Variants in SH3GL2 observed in about 807,000 individuals in gnomAD.
SH3GL2 encodes the protein endophilin-A1.
SH3GL2 carries 24 observed loss-of-function variants against 46.0 expected under a neutral mutation model. The observed-to-expected ratio is 0.52, with a 90% CI of 0.38 to 0.73. The LOEUF is 0.73. SH3GL2 is among the 30% of genes least tolerant of loss of function. The pLI is 0.00. For synonymous variants in SH3GL2, 196 were observed against 147.1 expected (o/e 1.33, Z -2.40); for missense variants, 413 against 424.2 (o/e 0.97, Z 0.23).
chr9:17,655,570 C>T (rs1820054318), intron 1 of SH3GL2, among the ~76,000 whole-genome samples: 1 of 152,168 alleles, frequency 6.6e-6, no homozygotes. Context: ...TGTTACATTG[C>T]ATCTTATCAA....
chr9:17,610,170 C>G (rs1818834411), intron 1 of SH3GL2, among the ~76,000 whole-genome samples: 1 of 152,194 alleles, frequency 6.6e-6, no homozygotes, highest in Non-Finnish European at 1.5e-5. Context: ...TTAGCTTCCT[C>G]AGGGTATTGC....
At position 17,763,750 on chromosome 9, in the gene SH3GL2, G is replaced by C. The variant is rs751123636; in HGVS notation, c.187+2241G>C. Among the ~76,000 whole-genome samples the C allele has an allele frequency of 2.0e-5, 3 of 152,214 alleles. 1 individual carries two copies. The highest frequency in any genetic ancestry group is 1.5e-5 in the Non-Finnish European group (1 of 68,018). On this transcript the variant is annotated intron_variant, in intron 3 of 8. Transcript: ENST00000380607. ...CCTCATTTTATTCAGGAAAAAACAA[G>C]GGTCAGAGAATTTAAGGAACTTTCC...
chr9:17,787,588 C>G (rs1823997789), intron 5 of SH3GL2, 75 bp downstream of exon 5: 1 of 1,277,176 alleles, frequency 7.8e-7, no homozygotes, highest in African/African-American at 1.5e-5. Context: ...CTTTAGAAAA[C>G]ATTTTTTTAG....
At chr9:17,719,984 T>C (rs1821854169) in intron 1 of SH3GL2, among the ~76,000 whole-genome samples, 1 of 151,934 alleles carries the variant, frequency 6.6e-6, no homozygotes, top group Non-Finnish European at 1.5e-5. Context: ...AAAAACCTCC[T>C]CTTTATTTTT....
chr9:17,600,224 A>T (rs1818644199), intron 1 of SH3GL2, among the ~76,000 whole-genome samples: 2 of 152,200 alleles, frequency 1.3e-5, no homozygotes, highest in Admixed American at 1.3e-4. Flanking sequence ...GATGAACTGG[A>T]TTAATGTTTG....
At chr9:17,676,990 A>G (rs1328390786) in intron 1 of SH3GL2, among the ~76,000 whole-genome samples, 2 of 152,150 alleles carry the variant, frequency 1.3e-5, no homozygotes, top group Non-Finnish European at 2.9e-5. Flanking sequence ...GACTAAGAGA[A>G]GACACTGCAG....
At chr9:17,764,052 C>G (rs1225003485) in intron 3 of SH3GL2, among the ~76,000 whole-genome samples, 2 of 152,234 alleles carry the variant, frequency 1.3e-5, no homozygotes, top group Non-Finnish European at 2.9e-5. Context: ...TACAATATTG[C>G]ATGTGCTAAT....
At chr9:17,681,902 T>G (rs1820778901) in intron 1 of SH3GL2, among the ~76,000 whole-genome samples, 1 of 152,034 alleles carries the variant, frequency 6.6e-6, no homozygotes, top group Non-Finnish European at 1.5e-5. Flanking sequence ...GAACAGACAC[T>G]TCTCAAAAGA....
At chr9:17,786,254 A>T in intron 3 of SH3GL2, 127 bp from the exon 4 acceptor site, 1 of 780,032 alleles carries the variant, frequency 1.3e-6, no homozygotes, top group South Asian at 1.9e-5. Context: ...ACTGGAGCGT[A>T]CTGAAGGTAC....
At chr9:17,782,055 T>C (rs1823824233) in intron 3 of SH3GL2, among the ~76,000 whole-genome samples, 1 of 152,202 alleles carries the variant, frequency 6.6e-6, no homozygotes, top group South Asian at 2.1e-4. Context: ...AGGTGCTTCA[T>C]GAATATTTCT....
chr9:17,609,226 C>G (rs1209676703), intron 1 of SH3GL2, among the ~76,000 whole-genome samples: 1 of 151,912 alleles, frequency 6.6e-6, no homozygotes, highest in Non-Finnish European at 1.5e-5. Flanking sequence ...GATAGCTTGC[C>G]CAAGATCAGT....
intron 1 of SH3GL2, among the ~76,000 whole-genome samples, chr9:17,650,465 G>C (rs955489012): frequency 2.6e-5 from 4 of 152,074 alleles, no homozygotes; most frequent in Non-Finnish European, 5.9e-5. Context: ...TCTGCCTTCC[G>C]GGTTCAAGCG....
At chr9:17,650,456 C>G (rs1819927666) in intron 1 of SH3GL2, among the ~76,000 whole-genome samples, 1 of 152,142 alleles carries the variant, frequency 6.6e-6, no homozygotes, top group Non-Finnish European at 1.5e-5. Flanking sequence ...ATGGAGACCT[C>G]TGCCTTCCGG....
intron 1 of SH3GL2, among the ~76,000 whole-genome samples, chr9:17,637,027 G>A (rs1819558585): frequency 6.6e-6 from 1 of 152,216 alleles, no homozygotes; most frequent in African/African-American, 2.4e-5. Flanking sequence ...GGAAGGGAAA[G>A]GAATATCAAA....
chr9:17,780,570 G>A (rs1414700542), intron 3 of SH3GL2, among the ~76,000 whole-genome samples: 3 of 134,436 alleles, frequency 2.2e-5, no homozygotes, highest in East Asian at 2.2e-4. Flanking sequence ...ATGCTGGTGC[G>A]CTGCACCCAC....
At chr9:17,697,782 A>G (rs1821245608) in intron 1 of SH3GL2, among the ~76,000 whole-genome samples, 1 of 152,214 alleles carries the variant, frequency 6.6e-6, no homozygotes, top group South Asian at 2.1e-4. Flanking sequence ...CAGAAGCAGA[A>G]AATGCTAGGA....
At chr9:17,603,446 CAGAA>C (rs1818706812) in intron 1 of SH3GL2, among the ~76,000 whole-genome samples, 1 of 152,122 alleles carries the variant, frequency 6.6e-6, no homozygotes, top group South Asian at 2.1e-4. Flanking sequence ...AATTCATAGA[CAGAA>C]AGTAGAACAG....
chr9:17,628,345 T>C (rs528395380), intron 1 of SH3GL2, among the ~76,000 whole-genome samples: 1 of 152,166 alleles, frequency 6.6e-6, no homozygotes, highest in African/African-American at 2.4e-5. Flanking sequence ...AATCTATTTC[T>C]CAAATGCAGT....
intron 1 of SH3GL2, among the ~76,000 whole-genome samples, chr9:17,686,608 C>T (rs1196691519): frequency 1.4e-5 from 2 of 142,900 alleles, no homozygotes; most frequent in African/African-American, 5.2e-5. Context: ...ACTATGCAGC[C>T]ATAAAAAATG....
Sources: gnomAD v4.1 joint callset for allele counts (sites outside exome capture counted in the v4.1 genomes callset) on GRCh38, gnomAD v4.1.1 for gene constraint, MANE v1.5 for transcripts, NCBI Gene and HGNC (gene_info 2026-07-23, HGNC 2026-07-21) for gene names.